The following HSPA14 variants were observed in gnomAD, a reference collection of about 807,000 sequenced individuals.
The protein encoded by HSPA14 is heat shock protein family A (Hsp70) member 14.
A neutral mutation model predicts 65.5 loss-of-function variants in HSPA14; 37 were observed. The ratio of observed to expected loss-of-function variants is 0.56; its 90% CI spans 0.43 to 0.74. HSPA14 has a LOEUF of 0.74. Among genes scored for constraint, HSPA14 ranks in the 30% least tolerant of loss-of-function variants. The pLI, the probability that HSPA14 is intolerant of heterozygous loss-of-function variation, is 0.00. For synonymous variants in HSPA14, 203 were observed against 214.2 expected (o/e 0.95, Z 0.46); for missense variants, 564 against 607.6 (o/e 0.93, Z 0.75).
intron 5 of HSPA14, chr10:14,849,508 A>C: frequency 1.5e-6 from 1 of 650,072 alleles, no homozygotes. Flanking sequence ...CTGTTTGGAA[A>C]GCTAATTCTG....
chr10:14,869,600 T>C (rs1832837437), intron 12 of HSPA14, among the ~76,000 whole-genome samples: 1 of 152,174 alleles, frequency 6.6e-6, no homozygotes, highest in Non-Finnish European at 1.5e-5. Flanking sequence ...TGGCCACATA[T>C]TTATTTTCTA....
intron 10 of HSPA14, among the ~76,000 whole-genome samples, chr10:14,857,660 T>C (rs977997822): frequency 1.3e-5 from 2 of 152,352 alleles, no homozygotes; most frequent in East Asian, 3.9e-4. Flanking sequence ...TGCACAGCAG[T>C]CTTCCTTTGA....
chr10:14,842,717 C>G lies in HSPA14; in HGVS notation c.221+2560C>G, dbSNP rs1833990473. On this transcript the variant is annotated intron_variant, in intron 3 of 13. Transcript: ENST00000378372. The surrounding 1 kb of genome is among the most constrained non-coding windows in gnomAD (Gnocchi z 5.2). ...CGGCATTCTAAAATCAAAAAGGACT[C>G]AGGCAGCTGATCATCAGCCTATCTT... is the stretch of plus-strand genomic sequence containing the variant. 4.6e-6 allele frequency: 7 copies of G among 1,536,366 alleles called. No homozygotes were observed. In the Admixed American group the frequency reaches 5.9e-5, roughly 13 times the overall value.
At chr10:14,838,602 AGGGCCGGGCAGGCCCGG>A in intron 1 of HSPA14, 143 bp downstream of exon 1, 1 of 762,256 alleles carries the variant, frequency 1.3e-6, no homozygotes, top group Non-Finnish European at 2.0e-6. Context: ...TCCGGAGCGA[AGGGCCGGGCAGGCCCGG>A]CCTCGCGCCT....
At chr10:14,865,189 T>C (rs1343695577) in intron 10 of HSPA14, among the ~76,000 whole-genome samples, 2 of 152,234 alleles carry the variant, frequency 1.3e-5, no homozygotes, top group Non-Finnish European at 2.9e-5. Flanking sequence ...TTCTTGTAAA[T>C]TTGTTTGAGT....
At position 14,842,262 on chromosome 10, in the gene HSPA14, C is replaced by T; in HGVS notation, c.221+2105C>T. ...TTGCACCTTGCTGTCCAGAAGCTGC[C>T]TAGCCCTCCTTTCCAACCCACAATG... On this transcript the variant is annotated intron_variant, in intron 3 of 13. Coordinates refer to ENST00000378372, the MANE Select transcript of HSPA14 (RefSeq NM_016299.4). The surrounding 1 kb of genome is among the most constrained non-coding windows in gnomAD (Gnocchi z 5.2). 6.5e-7 allele frequency: 1 copy of T among 1,535,056 alleles called. No individual in the cohort carries two copies. Among genetic ancestry groups the T allele is most frequent in the South Asian group, 1.2e-5 (1 of 83,964 alleles).
intron 3 of HSPA14, chr10:14,843,399 C>A (rs1159162000): frequency 1.3e-6 from 2 of 1,550,876 alleles, no homozygotes; most frequent in African/African-American, 2.7e-5. Flanking sequence ...CCAGCTACAG[C>A]AGCTCCCACA....
intron 6 of HSPA14, 112 bp downstream of exon 6, chr10:14,849,923 T>C: frequency 1.5e-6 from 1 of 651,476 alleles, no homozygotes; most frequent in South Asian, 2.0e-5. Context: ...ATTGTATTTG[T>C]AAATAATTTA....
At position 14,867,080 on chromosome 10, in the gene HSPA14, T is replaced by C. The variant is rs898906775; in HGVS notation, c.994-3T>C. 2 of 1,603,708 alleles carry C rather than the reference T, an allele frequency of 1.2e-6. No homozygotes were observed. The highest frequency in any genetic ancestry group is 1.1e-5 in the South Asian group (1 of 90,780). On this transcript the variant is annotated splice_polypyrimidine_tract_variant and splice_region_variant and intron_variant, in intron 10 of 13. Coordinates refer to ENST00000378372, the MANE Select transcript of HSPA14 (RefSeq NM_016299.4). ...ACAACTGAAAATTATTTTTATTCTC[T>C]AGGTTGTCCTTTGTGGAGGGTCTTC...
chr10:14,844,810 A>AT (rs1237869983), intron 3 of HSPA14: 79 of 985,340 alleles, frequency 8.0e-5, no homozygotes, highest in Non-Finnish European at 9.4e-5. Context: ...CCATTGGAAC[A>AT]TTGTGGAAAC....
chr10:14,843,950 C>G, intron 3 of HSPA14: 1 of 1,521,494 alleles, frequency 6.6e-7, no homozygotes, highest in Non-Finnish European at 8.8e-7. Flanking sequence ...GTTCCCAAAC[C>G]TGCCTTCTGA....
In HSPA14 at chr10:14,851,579, G is replaced by A. The variant is rs112614074; in HGVS notation, c.572+256G>A. Among the ~76,000 whole-genome samples, 1,389 of 152,244 alleles carry A rather than the reference G, an allele frequency of 9.1e-3. 18 individuals are homozygous for A. The highest frequency in any genetic ancestry group is 0.031 in the African/African-American group (1,275 of 41,532). ...TTTTTGAGGGAAGATTTGAAAGTTC[G>A]AGGCCTGGCCAGTTTCCAACTCAAG... On this transcript the variant is annotated intron_variant, in intron 7 of 13. Coordinates refer to ENST00000378372, the MANE Select transcript of HSPA14 (RefSeq NM_016299.4).
rs1834115308 is a variant in HSPA14 at position 14,852,441 on chromosome 10, A to G, written c.644A>G (p.Tyr215Cys). Reference sequence around the variant, plus strand: ...GTCATGGAAGTTAACAGTGGAATATATCGGGTTCTTTCAACAAACACTGAT... The same window carrying G: ...GTCATGGAAGTTAACAGTGGAATATGTCGGGTTCTTTCAACAAACACTGAT... ...LSVMEVNSGI[Y>C]RVLSTNTDDN... Residue 215 changes from tyrosine to cysteine, a missense_variant, in exon 8 of 14, where the codon TAT becomes TGT. Coordinates refer to ENST00000378372, the MANE Select transcript of HSPA14 (RefSeq NM_016299.4). 1 of 1,613,926 alleles carries G rather than the reference A, an allele frequency of 6.2e-7. No homozygotes were observed. Among genetic ancestry groups the G allele is most frequent in the Non-Finnish European group, 8.5e-7 (1 of 1,179,792 alleles).
chr10:14,868,447 T>G (rs1404422277), intron 12 of HSPA14, among the ~76,000 whole-genome samples: 1 of 151,494 alleles, frequency 6.6e-6, no homozygotes, highest in Non-Finnish European at 1.5e-5. Flanking sequence ...TTACAGAGAG[T>G]GAAGTAGAGC....
chr10:14,845,408 T>A (rs2131638038), intron 3 of HSPA14: 1 of 985,222 alleles, frequency 1.0e-6, no homozygotes, highest in Admixed American at 6.1e-5. Context: ...GGAGAAATGG[T>A]CAGAGCAGCA....
At chr10:14,850,207 G>A (rs993911418) in intron 6 of HSPA14, among the ~76,000 whole-genome samples, 5 of 151,972 alleles carry the variant, frequency 3.3e-5, no homozygotes. Context: ...AGGAAGTGGA[G>A]GTTGCAGTGA....
chr10:14,843,345 T>G, intron 3 of HSPA14: 1 of 1,550,566 alleles, frequency 6.4e-7, no homozygotes, highest in Non-Finnish European at 8.7e-7. Flanking sequence ...ATGTTCTCTT[T>G]GCAACATTGT....
At chr10:14,857,253 C>T (rs1200752849) in intron 10 of HSPA14, among the ~76,000 whole-genome samples, 4 of 152,046 alleles carry the variant, frequency 2.6e-5, no homozygotes, top group African/African-American at 7.2e-5. Context: ...TATACAGAGA[C>T]GTTTATCATA....
Position 14,852,716 on chromosome 10 carries a change from G to T in HSPA14, c.734+185G>T, listed in dbSNP as rs558571548. On this transcript the variant is annotated intron_variant, in intron 8 of 13. Transcript: ENST00000378372. ...GTCCAGGCAATTCAAAGAAGCAGAGGCCAGGCTGCCTAGTGCAGTGTGCTT... is the reference window on the plus strand; with the variant it reads ...GTCCAGGCAATTCAAAGAAGCAGAGTCCAGGCTGCCTAGTGCAGTGTGCTT... Among the ~76,000 whole-genome samples, 5 of 152,254 alleles carry T rather than the reference G, an allele frequency of 3.3e-5. No individual in the cohort carries two copies. The South Asian group carries it at 1.0e-3, about 32-fold the overall frequency.
Sources: gnomAD v4.1 joint callset for allele counts (sites outside exome capture counted in the v4.1 genomes callset) on GRCh38, gnomAD v4.1.1 for gene constraint, Gnocchi (gnomAD v3.1) non-coding constraint, MANE v1.5 for transcripts, NCBI Gene and HGNC (gene_info 2026-07-23, HGNC 2026-07-21) for gene names.